The following SIK3 variants were observed in gnomAD, a reference collection of about 807,000 sequenced individuals.
The protein encoded by SIK3 is SIK family kinase 3, also known as serine/threonine-protein kinase SIK3.
SIK3 carries 28 observed loss-of-function variants against 144.2 expected under a neutral mutation model. The observed-to-expected ratio is 0.19, with a 90% confidence interval of 0.14 to 0.27. The LOEUF is 0.27. Ranked by LOEUF, SIK3 falls within the 10% of genes least tolerant of loss-of-function variation. The pLI is 1.00. For synonymous variants in SIK3, 686 were observed against 676.3 expected (o/e 1.01, Z -0.22); for missense variants, 1,319 against 1,776.0 (o/e 0.74, Z 4.62).
At chr11:116,915,050 C>T (rs1242015467) in intron 4 of SIK3, among the ~76,000 whole-genome samples, 1 of 151,910 alleles carries the variant, frequency 6.6e-6, no homozygotes, top group Non-Finnish European at 1.5e-5. Context: ...AAGTGACCCA[C>T]ACTATTTATT....
At chr11:117,087,167 C>A (rs952000299) in intron 1 of SIK3, among the ~76,000 whole-genome samples, 4 of 151,842 alleles carry the variant, frequency 2.6e-5, no homozygotes, top group African/African-American at 9.7e-5. Context: ...TGGCCGGGTG[C>A]GGTGGCTCAT....
chr11:117,047,169 G>A (rs73576603), intron 1 of SIK3, among the ~76,000 whole-genome samples: 8,491 of 152,102 alleles, frequency 0.056, 522 homozygotes, highest in African/African-American at 0.15. Flanking sequence ...AAACACAATC[G>A]ATGAAGACAA....
Position 116,988,247 on chromosome 11 carries a change from A to G in SIK3, c.274-31183T>C, listed in dbSNP as rs1424637852. Among the ~76,000 whole-genome samples the G allele has an allele frequency of 5.3e-5, 8 of 152,188 alleles. No homozygotes were observed. The East Asian group carries it at 1.4e-3, about 26-fold the overall frequency. On this transcript the variant is annotated intron_variant, in intron 1 of 24. Coordinates refer to ENST00000445177, the MANE Select transcript of SIK3 (RefSeq NM_001366686.3). ...CTAAAACTACAAAAAATTAGCCGGC[A>G]CGGTGGCAGGCGCCTGTAGTCCCAG...
At chr11:116,922,433 G>C (rs1947039752) in intron 4 of SIK3, among the ~76,000 whole-genome samples, 1 of 152,154 alleles carries the variant, frequency 6.6e-6, no homozygotes, top group African/African-American at 2.4e-5. Flanking sequence ...TGAGGTTGCA[G>C]TGAGCCATGA....
chr11:116,855,357 C>T (rs1336955375), intron 21 of SIK3: 2 of 152,236 alleles, frequency 1.3e-5, no homozygotes, highest in African/African-American at 2.4e-5. Flanking sequence ...TGGAAACCTA[C>T]GTTGTTCCTT....
intron 3 of SIK3, among the ~76,000 whole-genome samples, chr11:116,934,869 C>CA (rs1220749312): frequency 6.6e-6 from 1 of 152,092 alleles, no homozygotes; most frequent in Non-Finnish European, 1.5e-5. Flanking sequence ...TACCTGAGGT[C>CA]AGGAGTTCAA....
At chr11:117,002,626 C>A (rs56057255) in intron 1 of SIK3, among the ~76,000 whole-genome samples, 7 of 151,852 alleles carry the variant, frequency 4.6e-5, no homozygotes, top group South Asian at 2.1e-4. Context: ...GAAAAAAAAA[C>A]CACATTCTGG....
chr11:116,913,753 G>A (rs1946461938), intron 4 of SIK3, among the ~76,000 whole-genome samples: 1 of 152,146 alleles, frequency 6.6e-6, no homozygotes, highest in Admixed American at 6.5e-5. Flanking sequence ...AAATTTTAGT[G>A]TGCCTTTTAT....
rs1004924291 is a variant in SIK3 at position 116,908,094 on chromosome 11, G to A, written c.617-10777C>T. On this transcript the variant is annotated intron_variant, in intron 4 of 24. Transcript: ENST00000445177. ...CATAAAGGGAAAAGTGGTAAACTTC[G>A]TTACATTAGAATTATGCCAAAATTT... 5.3e-5 allele frequency among the ~76,000 whole-genome samples: 8 copies of A among 151,740 alleles called. No individual in the cohort carries two copies. The East Asian group carries it at 7.7e-4, about 15-fold the overall frequency.
chr11:117,075,880 G>C (rs1430775190), intron 1 of SIK3, among the ~76,000 whole-genome samples: 1 of 30,274 alleles, frequency 3.3e-5, no homozygotes, highest in African/African-American at 1.5e-4. Flanking sequence ...ACAGTTTTTT[G>C]CTCTTGTTGC....
chr11:117,039,762 CAT>C (rs1193620507), intron 1 of SIK3, among the ~76,000 whole-genome samples: 2 of 152,170 alleles, frequency 1.3e-5, no homozygotes, highest in Non-Finnish European at 2.9e-5. Context: ...TTAATCCTCA[CAT>C]AGACACTAAA....
intron 1 of SIK3, among the ~76,000 whole-genome samples, chr11:117,063,021 C>T (rs2135963198): frequency 6.6e-6 from 1 of 152,292 alleles, no homozygotes; most frequent in Non-Finnish European, 1.5e-5. Flanking sequence ...ATCAGCTTTA[C>T]TGGTTTCCTA....
At chr11:116,857,359 G>C in intron 21 of SIK3, 1 of 178,510 alleles carries the variant, frequency 5.6e-6, no homozygotes, top group Admixed American at 5.4e-5. Flanking sequence ...TCACAGATGA[G>C]GAAAATCAGA....
At chr11:116,915,959 C>T (rs1409928462) in intron 4 of SIK3, among the ~76,000 whole-genome samples, 4 of 152,326 alleles carry the variant, frequency 2.6e-5, no homozygotes, top group African/African-American at 7.2e-5. Flanking sequence ...TGCTCATTAG[C>T]GCCCTGCCAG....
intron 4 of SIK3, among the ~76,000 whole-genome samples, chr11:116,910,780 C>T (rs1946297641): frequency 6.6e-6 from 1 of 151,844 alleles, no homozygotes; most frequent in South Asian, 2.1e-4. Context: ...GAAAAAAAAT[C>T]CAGAAGAATG....
intron 1 of SIK3, among the ~76,000 whole-genome samples, chr11:117,062,485 T>G (rs1022371326): frequency 2.0e-5 from 3 of 152,114 alleles, no homozygotes; most frequent in African/African-American, 7.2e-5. Flanking sequence ...GGCAAGAAAT[T>G]TAACAACATA....
At position 116,860,179 on chromosome 11, in the gene SIK3, G is replaced by A. The variant is rs368260643; in HGVS notation, c.2426-575C>T. Among the ~76,000 whole-genome samples the A allele has an allele frequency of 5.0e-4, 76 of 152,024 alleles. 1 individual carries two copies. In the South Asian group the frequency reaches 0.015, roughly 31 times the overall value. On this transcript the variant is annotated intron_variant, in intron 19 of 24. Coordinates refer to ENST00000445177, the MANE Select transcript of SIK3 (RefSeq NM_001366686.3). ...AGAATCATTTGAACCCGGAGGTGGA[G>A]GTTGCAGTGAGCCGAGATCATACCA...
At chr11:117,056,324 A>G (rs1953515664) in intron 1 of SIK3, among the ~76,000 whole-genome samples, 1 of 152,038 alleles carries the variant, frequency 6.6e-6, no homozygotes, top group Non-Finnish European at 1.5e-5. Context: ...GAACTGAACA[A>G]TGAGAACACT....
chr11:116,849,314 G>C lies in SIK3; in HGVS notation c.3656-31C>G. On this transcript the variant is annotated intron_variant, in intron 21 of 24. Coordinates refer to ENST00000445177, the MANE Select transcript of SIK3 (RefSeq NM_001366686.3). The surrounding 1 kb of genome is among the most constrained non-coding windows in gnomAD (Gnocchi z 4.2). ...GAGACACAGCAGAATAGAGTCAGTG[G>C]GGCGGAACTTCTCCCAGCACTGGAA... The C allele has an allele frequency of 6.2e-7, 1 of 1,612,886 alleles. No individual in the cohort carries two copies. Among genetic ancestry groups the C allele is most frequent in the South Asian group, 1.1e-5 (1 of 91,010 alleles).
Sources: gnomAD v4.1 joint callset for allele counts (sites outside exome capture counted in the v4.1 genomes callset) on GRCh38, gnomAD v4.1.1 for gene constraint, Gnocchi (gnomAD v3.1) non-coding constraint, MANE v1.5 for transcripts, NCBI Gene and HGNC (gene_info 2026-07-23, HGNC 2026-07-21) for gene names.